RFX7: variants seen among roughly 807,000 people sequenced by gnomAD.
RFX7 encodes the protein DNA-binding protein RFX7.
In RFX7, 26 loss-of-function variants were observed where a neutral mutation model predicts 111.8. The ratio of observed to expected loss-of-function variants is 0.23; its 90% CI spans 0.17 to 0.32. The LOEUF (loss-of-function observed/expected upper bound fraction) is 0.32, where lower values mean the gene tolerates loss of function less well. Among genes scored for constraint, RFX7 ranks in the 10% least tolerant of loss-of-function variants. The pLI is 1.00. For missense variants in RFX7, 1,573 were observed against 1,772.9 expected, an observed-to-expected ratio of 0.89 and a Z score of 2.02; for synonymous variants, 624 against 624.4, an observed-to-expected ratio of 1.00 and a Z score of 0.01.
intron 3 of RFX7, among the ~76,000 whole-genome samples, chr15:56,159,211 T>C (rs1041934886): frequency 3.3e-5 from 5 of 152,360 alleles, no homozygotes; most frequent in South Asian, 2.1e-4. Context: ...TCATTGTGTA[T>C]GTATAATTAC....
chr15:56,089,097 C>A lies in RFX7; in HGVS notation c.*4248G>T, dbSNP rs1340921330. The A allele has an allele frequency of 6.6e-6, 1 of 152,136 alleles. No homozygotes were observed. Among genetic ancestry groups the A allele is most frequent in the Non-Finnish European group, 1.5e-5 (1 of 68,038 alleles). The allele number at this position is 152,136 out of a possible 1,614,324, so 9.4% of individuals were successfully genotyped here. On this transcript the variant is annotated 3_prime_UTR_variant, in exon 10 of 10. Transcript: ENST00000559447. ...GACCACATGCTCCAGGAAATGGGCC[C>A]CCCCTCCTACCTATAAAGCATTAAT...
intron 5 of RFX7, among the ~76,000 whole-genome samples, chr15:56,110,162 G>T (rs1488131562): frequency 7.7e-6 from 1 of 129,472 alleles, no homozygotes; most frequent in Non-Finnish European, 1.7e-5. Context: ...CCCCCGCCTG[G>T]CCAGCCGCCC....
chr15:56,208,447 C>T (rs1057347233), intron 2 of RFX7, among the ~76,000 whole-genome samples: 3 of 152,134 alleles, frequency 2.0e-5, no homozygotes, highest in African/African-American at 7.2e-5. Flanking sequence ...TACCTTACTA[C>T]CACATTACTA....
At position 56,138,383 on chromosome 15, in the gene RFX7, C is replaced by G. The variant is rs2042337249; in HGVS notation, c.401+4395G>C. Among the ~76,000 whole-genome samples the G allele has an allele frequency of 2.7e-5, 4 of 150,866 alleles. No homozygotes were observed. The South Asian group carries it at 8.9e-4, about 34-fold the overall frequency. On this transcript the variant is annotated intron_variant, in intron 5 of 9. Transcript: ENST00000559447. ...ACCATTATGAAATGGCCTTCTTTGT[C>G]TCTTTTGATCTTTGTTGGTTTAAAG...
chr15:56,098,102 T>G lies in RFX7; in HGVS notation c.1086A>C (p.Ala362=), dbSNP rs1198318332. The change falls in exon 9 of 10, where the codon GCA becomes GCC. Residue 362 remains alanine (A), a synonymous_variant. Transcript: ENST00000559447. ...LSPQPIGIVV[A]AVPSPIPVQR... ...TTACCGGAATGGGACTAGGGACAGC[T>G]GCCACAACGATACCAATAGGTTGAG... The G allele has an allele frequency of 3.1e-6, 5 of 1,613,878 alleles. No homozygotes were observed. Among genetic ancestry groups the G allele is most frequent in the Middle Eastern group, 1.7e-4 (1 of 6,060 alleles).
At chr15:56,224,788 A>G (rs1345204942) in intron 2 of RFX7, among the ~76,000 whole-genome samples, 8 of 152,042 alleles carry the variant, frequency 5.3e-5, no homozygotes, top group African/African-American at 1.9e-4. Context: ...TTCTATCAGA[A>G]GTTCATTTCT....
At chr15:56,233,857 AC>A (rs1423543864) in intron 2 of RFX7, among the ~76,000 whole-genome samples, 1 of 152,100 alleles carries the variant, frequency 6.6e-6, no homozygotes, top group Non-Finnish European at 1.5e-5. Context: ...TCTTTCTTCT[AC>A]TTGTACATCG....
At chr15:56,196,252 T>G (rs561550406) in intron 2 of RFX7, among the ~76,000 whole-genome samples, 6 of 152,004 alleles carry the variant, frequency 3.9e-5, no homozygotes, top group Non-Finnish European at 8.8e-5. Flanking sequence ...GAAGAAAACT[T>G]TACAGATAAA....
At chr15:56,129,807 G>A (rs1488582628) in intron 5 of RFX7, among the ~76,000 whole-genome samples, 1 of 152,164 alleles carries the variant, frequency 6.6e-6, no homozygotes, top group African/African-American at 2.4e-5. Context: ...TGGTTTTGTA[G>A]AAGGGTGAAA....
intron 5 of RFX7, among the ~76,000 whole-genome samples, chr15:56,114,837 G>C (rs1446656231): frequency 1.3e-5 from 2 of 151,952 alleles, no homozygotes; most frequent in African/African-American, 4.8e-5. Context: ...ACCTTAACCT[G>C]AAGTTTATAA....
chr15:56,139,463 C>G (rs2042356468), intron 5 of RFX7, among the ~76,000 whole-genome samples: 1 of 152,198 alleles, frequency 6.6e-6, no homozygotes, highest in South Asian at 2.1e-4. Flanking sequence ...GTTTTCAGCT[C>G]CATCAGCTCC....
intron 5 of RFX7, among the ~76,000 whole-genome samples, chr15:56,140,631 T>C (rs2042379213): frequency 6.6e-6 from 1 of 152,214 alleles, no homozygotes; most frequent in Non-Finnish European, 1.5e-5. Flanking sequence ...CCTTCCCCGC[T>C]AAATCACTTT....
At chr15:56,236,986 G>A (rs901649689) in intron 2 of RFX7, among the ~76,000 whole-genome samples, 8 of 151,842 alleles carry the variant, frequency 5.3e-5, no homozygotes, top group Admixed American at 2.6e-4. Flanking sequence ...CAATAAGCAA[G>A]TCCTCCTCAG....
chr15:56,171,048 G>C (rs1431883753), intron 3 of RFX7, among the ~76,000 whole-genome samples: 1 of 152,150 alleles, frequency 6.6e-6, no homozygotes, highest in Non-Finnish European at 1.5e-5. Context: ...GAACGAATGT[G>C]GAAAGACTAG....
intron 5 of RFX7, among the ~76,000 whole-genome samples, chr15:56,113,647 C>T (rs1209404471): frequency 2.7e-5 from 4 of 147,008 alleles, no homozygotes; most frequent in Non-Finnish European, 4.5e-5. Context: ...ACATGTATCC[C>T]GGAATGTAGA....
At chr15:56,152,822 A>G (rs1158127027) in intron 3 of RFX7, among the ~76,000 whole-genome samples, 4 of 152,090 alleles carry the variant, frequency 2.6e-5, no homozygotes, top group East Asian at 1.9e-4. Flanking sequence ...CCAGACTAAT[A>G]AAGAAGAAAT....
At chr15:56,235,559 G>C (rs1403227615) in intron 2 of RFX7, among the ~76,000 whole-genome samples, 1 of 151,978 alleles carries the variant, frequency 6.6e-6, no homozygotes, top group Non-Finnish European at 1.5e-5. Flanking sequence ...TTAAAACTAG[G>C]CATCATAAAT....
chr15:56,226,052 A>C (rs1433263737), intron 2 of RFX7, among the ~76,000 whole-genome samples: 9 of 152,060 alleles, frequency 5.9e-5, no homozygotes, highest in Non-Finnish European at 1.3e-4. Flanking sequence ...AAGAAAACAA[A>C]AAGGGGATGG....
Position 56,093,162 on chromosome 15 carries a change from C to A in RFX7, c.*183G>T, listed in dbSNP as rs1230809670. Reference sequence around the variant, plus strand: ...TACTTGTTCTTCTACAGCCTACTGTCTTTAGACACTTGTTAAGAACTGAGG... The same window carrying A: ...TACTTGTTCTTCTACAGCCTACTGTATTTAGACACTTGTTAAGAACTGAGG... On this transcript the variant is annotated 3_prime_UTR_variant, in exon 10 of 10. Coordinates refer to ENST00000559447, the MANE Select transcript of RFX7 (RefSeq NM_022841.7). 3 of 563,812 alleles carry A rather than the reference C, an allele frequency of 5.3e-6. No individual in the cohort carries two copies. In the African/African-American group the frequency reaches 5.6e-5, roughly 11 times the overall value. The allele number at this position is 563,812 out of a possible 1,614,324, so 34.9% of individuals were successfully genotyped here.
Sources: gnomAD v4.1 joint callset for allele counts (sites outside exome capture counted in the v4.1 genomes callset) on GRCh38, gnomAD v4.1.1 for gene constraint, MANE v1.5 for transcripts, NCBI Gene and HGNC (gene_info 2026-07-23, HGNC 2026-07-21) for gene names.